The following CHRM3 variants were observed in gnomAD, a reference collection of about 807,000 sequenced individuals.
CHRM3 encodes cholinergic receptor muscarinic 3.
Under a neutral mutation model 41.8 loss-of-function variants are expected in CHRM3, and 11 were observed. The ratio of observed to expected loss-of-function variants is 0.26; its 90% CI spans 0.17 to 0.44. The LOEUF is 0.44. CHRM3 is among the 20% of genes least tolerant of loss of function. The probability of loss-of-function intolerance (pLI) is 1.00; values close to 1 mark genes in which losing one functional copy is unlikely to be tolerated. For missense variants in CHRM3, 571 were observed against 745.4 expected (o/e 0.77, Z 2.72); for synonymous variants, 297 against 301.4 (o/e 0.99, Z 0.15).
chr1:239,696,739 A>G (rs186604147), intron 5 of CHRM3, among the ~76,000 whole-genome samples: 14 of 152,290 alleles, frequency 9.2e-5, no homozygotes, highest in Admixed American at 7.8e-4. Context: ...AATGTCTTTT[A>G]TTTTCATCTT....
intron 6 of CHRM3, among the ~76,000 whole-genome samples, chr1:239,843,269 A>G (rs1402483098): frequency 6.6e-6 from 1 of 152,046 alleles, no homozygotes; most frequent in African/African-American, 2.4e-5. Context: ...TCCTAGCACA[A>G]GTGTAGAATG....
chr1:239,411,897 A>G (rs891215727), intron 1 of CHRM3, among the ~76,000 whole-genome samples: 10 of 151,898 alleles, frequency 6.6e-5, no homozygotes, highest in Non-Finnish European at 1.2e-4. Context: ...AGGCAACCAC[A>G]TTCAGATTCT....
chr1:239,733,658 A>G (rs1664162452), intron 5 of CHRM3, among the ~76,000 whole-genome samples: 1 of 152,096 alleles, frequency 6.6e-6, no homozygotes, highest in Admixed American at 6.6e-5. Flanking sequence ...GAGAGAAAAA[A>G]TATTTTGAGA....
chr1:239,715,662 A>T (rs931507675), intron 5 of CHRM3, among the ~76,000 whole-genome samples: 3 of 152,104 alleles, frequency 2.0e-5, no homozygotes, highest in Non-Finnish European at 4.4e-5. Flanking sequence ...GGAAGGTAGG[A>T]TCCAGAGTAA....
chr1:239,701,897 A>C (rs939087322), intron 5 of CHRM3, among the ~76,000 whole-genome samples: 23 of 152,112 alleles, frequency 1.5e-4, no homozygotes, highest in Non-Finnish European at 2.8e-4. Context: ...TCTACTCTTT[A>C]AAGGCCAGAT....
In CHRM3 at chr1:239,878,578, T is replaced by C. The variant is rs377438930; in HGVS notation, c.-19-28855T>C. On this transcript the variant is annotated intron_variant, in intron 6 of 6. Coordinates refer to ENST00000676153, the MANE Select transcript of CHRM3 (RefSeq NM_001375978.1). ...TGGAGATCCCGGCTATATACAGTAA[T>C]GACTATCTTCTCAGTATTTTAAATT... Among the ~76,000 whole-genome samples, 7 of 152,032 alleles carry C rather than the reference T, an allele frequency of 4.6e-5. No homozygotes were observed. In the South Asian group the frequency reaches 1.5e-3, roughly 32 times the overall value.
At chr1:239,424,195 AACAT>A (rs1370995229) in intron 1 of CHRM3, among the ~76,000 whole-genome samples, 1 of 152,112 alleles carries the variant, frequency 6.6e-6, no homozygotes, top group Non-Finnish European at 1.5e-5. Context: ...TAGTGCTCCT[AACAT>A]ACGACACGGC....
At chr1:239,417,416 A>G (rs2103077808) in intron 1 of CHRM3, among the ~76,000 whole-genome samples, 1 of 152,272 alleles carries the variant, frequency 6.6e-6, no homozygotes, top group Non-Finnish European at 1.5e-5. Context: ...ACAGAATTAC[A>G]TCTTTAGTTT....
chr1:239,548,437 C>T (rs1327633065), intron 3 of CHRM3, among the ~76,000 whole-genome samples: 1 of 152,210 alleles, frequency 6.6e-6, no homozygotes, highest in Non-Finnish European at 1.5e-5. Flanking sequence ...AAGTCTTTCA[C>T]ATATAAATTT....
intron 5 of CHRM3, among the ~76,000 whole-genome samples, chr1:239,689,341 C>T (rs892909928): frequency 3.3e-5 from 5 of 151,782 alleles, no homozygotes; most frequent in South Asian, 2.1e-4. Context: ...CCAATGTTGC[C>T]TTAGCTTTGA....
intron 3 of CHRM3, among the ~76,000 whole-genome samples, chr1:239,571,323 G>T (rs1661803264): frequency 6.6e-6 from 1 of 152,008 alleles, no homozygotes; most frequent in Admixed American, 6.6e-5. Flanking sequence ...ATTTTAGCAA[G>T]GAAACAGTGC....
At chr1:239,759,169 G>GTTTTTTTTTT (rs568446013) in intron 5 of CHRM3, among the ~76,000 whole-genome samples, 8 of 102,068 alleles carry the variant, frequency 7.8e-5, no homozygotes, top group African/African-American at 2.0e-4. Context: ...TTTTTTTTTT[G>GTTTTTTTTTT]TTTTTTTTTT....
intron 1 of CHRM3, among the ~76,000 whole-genome samples, chr1:239,435,070 A>C (rs1412512579): frequency 6.6e-6 from 1 of 152,084 alleles, no homozygotes; most frequent in African/African-American, 2.4e-5. Flanking sequence ...AAAATGTAGC[A>C]GTAAAGAAAA....
chr1:239,417,645 T>C (rs369770993), intron 1 of CHRM3, among the ~76,000 whole-genome samples: 1 of 150,608 alleles, frequency 6.6e-6, no homozygotes, highest in Non-Finnish European at 1.5e-5. Flanking sequence ...ATTTAGAGTA[T>C]GATTAGGTGT....
chr1:239,527,527 GT>G (rs1670074847), intron 2 of CHRM3, among the ~76,000 whole-genome samples: 1 of 152,118 alleles, frequency 6.6e-6, no homozygotes, highest in East Asian at 1.9e-4. Flanking sequence ...GCCATGTGCT[GT>G]TTCTCAGGTC....
At chr1:239,460,746 T>C (rs956567824) in intron 1 of CHRM3, among the ~76,000 whole-genome samples, 4 of 152,328 alleles carry the variant, frequency 2.6e-5, no homozygotes, top group Admixed American at 1.3e-4. Flanking sequence ...TCAATTTTCA[T>C]GTATACTTAG....
At chr1:239,751,818 G>A (rs1665856749) in intron 5 of CHRM3, among the ~76,000 whole-genome samples, 1 of 151,960 alleles carries the variant, frequency 6.6e-6, no homozygotes, top group African/African-American at 2.4e-5. Flanking sequence ...AAATGATTCA[G>A]GTAAAGTGCA....
At chr1:239,729,986 A>G (rs2148412696) in intron 5 of CHRM3, among the ~76,000 whole-genome samples, 1 of 152,058 alleles carries the variant, frequency 6.6e-6, no homozygotes, top group African/African-American at 2.4e-5. Flanking sequence ...GTATCAACCA[A>G]AACAACTATC....
rs552705838 is a variant in CHRM3 at position 239,653,096 on chromosome 1, G to A, written c.-250+20810G>A. 2.0e-3 allele frequency among the ~76,000 whole-genome samples: 299 copies of A among 152,220 alleles called. 2 individuals are homozygous for A. The highest frequency in any genetic ancestry group is 3.9e-3 in the South Asian group (19 of 4,822). On this transcript the variant is annotated intron_variant, in intron 4 of 6. Coordinates refer to ENST00000676153, the MANE Select transcript of CHRM3 (RefSeq NM_001375978.1). ...TTTTATTGAGGAACTATTACAATAGGGAGAAAGAGACCTCAGTATAGAACT... is the reference window on the plus strand; with the variant it reads ...TTTTATTGAGGAACTATTACAATAGAGAGAAAGAGACCTCAGTATAGAACT...
Sources: allele counts gnomAD v4.1 joint callset (sites outside exome capture counted in the v4.1 genomes callset), GRCh38; gene constraint gnomAD v4.1.1; transcripts MANE v1.5; gene names NCBI Gene and HGNC (gene_info 2026-07-23, HGNC 2026-07-21).